Variants in THEMIS observed in about 807,000 individuals in gnomAD.
THEMIS encodes protein THEMIS.
THEMIS carries 37 observed loss-of-function variants against 52.6 expected under a neutral mutation model. The ratio of observed to expected loss-of-function variants is 0.70; its 90% CI spans 0.54 to 0.93. The LOEUF (loss-of-function observed/expected upper bound fraction) is 0.93, where lower values mean the gene tolerates loss of function less well. Among genes scored for constraint, THEMIS ranks in the 40% least tolerant of loss-of-function variants. THEMIS has a pLI of 0.00. For synonymous variants in THEMIS, 292 were observed against 272.7 expected, an observed-to-expected ratio of 1.07 and a Z score of -0.70; for missense variants, 808 against 763.1, an observed-to-expected ratio of 1.06 and a Z score of -0.69.
intron 1 of THEMIS, among the ~76,000 whole-genome samples, chr6:127,883,871 G>T (rs111546090): frequency 0.018 from 2,667 of 152,102 alleles, 83 homozygotes; most frequent in African/African-American, 0.06. Flanking sequence ...GATATTTTCA[G>T]TTTACAGTTA....
chr6:127,797,087 A>G (rs974607102), intron 4 of THEMIS, among the ~76,000 whole-genome samples: 3 of 152,176 alleles, frequency 2.0e-5, no homozygotes, highest in Admixed American at 2.0e-4. Context: ...AAGAGAAGCA[A>G]GTATGTTTGG....
At chr6:127,735,478 G>A (rs893471031) in intron 4 of THEMIS, among the ~76,000 whole-genome samples, 2 of 152,146 alleles carry the variant, frequency 1.3e-5, no homozygotes, top group African/African-American at 2.4e-5. Context: ...TTGGATGCAC[G>A]TGATTTTTAT....
At chr6:127,696,632 G>A in the THEMIS span, among the ~76,000 whole-genome samples, 1 of 152,276 alleles carries the variant, frequency 6.6e-6, no homozygotes, top group East Asian at 1.9e-4. Context: ...ATTTCCTGGG[G>A]GGTTTGAATA....
At chr6:127,760,809 T>A (rs1382826334) in intron 4 of THEMIS, among the ~76,000 whole-genome samples, 1 of 151,944 alleles carries the variant, frequency 6.6e-6, no homozygotes, top group Non-Finnish European at 1.5e-5. Flanking sequence ...AGAAAATTCT[T>A]CTAGACATAA....
At chr6:127,819,540 G>T (rs980024707) in intron 3 of THEMIS, among the ~76,000 whole-genome samples, 1 of 151,988 alleles carries the variant, frequency 6.6e-6, no homozygotes, top group Non-Finnish European at 1.5e-5. Context: ...TTGAACCAGA[G>T]GAGCAAAAAC....
Position 127,787,048 on chromosome 6 carries a change from C to G in THEMIS, c.1758+25835G>C, listed in dbSNP as rs1228071522. Among the ~76,000 whole-genome samples, 3 of 152,190 alleles carry G rather than the reference C, an allele frequency of 2.0e-5. No individual in the cohort carries two copies. In the East Asian group the frequency reaches 5.8e-4, roughly 29 times the overall value. Reference sequence around the variant, plus strand: ...GTTAGGAATCTCCCTGAAAAAGCACCCTTTCTAGGATTTGTCTTTACTCAA... The same window carrying G: ...GTTAGGAATCTCCCTGAAAAAGCACGCTTTCTAGGATTTGTCTTTACTCAA... On this transcript the variant is annotated intron_variant, in intron 4 of 5. Transcript: ENST00000368248.
At chr6:127,851,904 G>C (rs146492912) in intron 2 of THEMIS, among the ~76,000 whole-genome samples, 1 of 151,578 alleles carries the variant, frequency 6.6e-6, no homozygotes, top group Non-Finnish European at 1.5e-5. Context: ...ACATTAGCCT[G>C]CAGTTAGTAA....
chr6:127,896,894 T>A (rs1562327807), intron 1 of THEMIS, among the ~76,000 whole-genome samples: 1 of 151,498 alleles, frequency 6.6e-6, no homozygotes, highest in Non-Finnish European at 1.5e-5. Flanking sequence ...TTAAATATAA[T>A]CTAATAGAAA....
chr6:127,896,969 G>T (rs970994433), intron 1 of THEMIS, among the ~76,000 whole-genome samples: 11 of 151,462 alleles, frequency 7.3e-5, no homozygotes, highest in African/African-American at 2.7e-4. Context: ...AGGATAGCAA[G>T]TAGATGAATA....
At chr6:127,764,463 G>T (rs1415047555) in intron 4 of THEMIS, among the ~76,000 whole-genome samples, 1 of 151,910 alleles carries the variant, frequency 6.6e-6, no homozygotes, top group African/African-American at 2.4e-5. Flanking sequence ...AAATATAAAA[G>T]AAAATGTTTC....
intron 5 of THEMIS, among the ~76,000 whole-genome samples, chr6:127,711,046 A>G (rs1018025731): frequency 5.0e-5 from 6 of 119,990 alleles, no homozygotes; most frequent in African/African-American, 9.6e-5. Context: ...CTCCTCTCCC[A>G]CTTTCCCTCA....
chr6:127,740,899 C>G (rs556553460), intron 4 of THEMIS, among the ~76,000 whole-genome samples: 1 of 152,206 alleles, frequency 6.6e-6, no homozygotes, highest in African/African-American at 2.4e-5. Context: ...ATTCAAAAAG[C>G]TTCTTAAAAA....
the THEMIS span, among the ~76,000 whole-genome samples, chr6:127,700,397 G>A: frequency 2.0e-5 from 3 of 151,638 alleles, no homozygotes; most frequent in African/African-American, 7.3e-5. Context: ...TAAACGTCAG[G>A]GTTATGTCTA....
chr6:127,910,939 TC>T (rs1781396921), intron 1 of THEMIS, among the ~76,000 whole-genome samples: 1 of 152,130 alleles, frequency 6.6e-6, no homozygotes, highest in Non-Finnish European at 1.5e-5. Context: ...TCTCAGACAT[TC>T]CTTGTTTCTG....
intron 4 of THEMIS, among the ~76,000 whole-genome samples, chr6:127,800,507 C>A (rs760672127): frequency 6.6e-6 from 1 of 152,136 alleles, no homozygotes; most frequent in Non-Finnish European, 1.5e-5. Context: ...TAAACTGTAA[C>A]CTTGCTTCTG....
chr6:127,734,958 T>C (rs574514459), intron 4 of THEMIS, among the ~76,000 whole-genome samples: 1 of 143,526 alleles, frequency 7.0e-6, no homozygotes, highest in East Asian at 2.0e-4. Flanking sequence ...TATACATATA[T>C]GTGTGTGTGT....
At chr6:127,760,433 T>C (rs1484740620) in intron 4 of THEMIS, among the ~76,000 whole-genome samples, 1 of 152,200 alleles carries the variant, frequency 6.6e-6, no homozygotes, top group African/African-American at 2.4e-5. Flanking sequence ...ATTGAAATTT[T>C]GATAGGTATT....
At chr6:127,904,972 C>T (rs1427347454), upstream of THEMIS, among the ~76,000 whole-genome samples, 1 of 152,036 alleles carries the variant, frequency 6.6e-6, no homozygotes. Flanking sequence ...CTCTCTCTAT[C>T]TATCTATCTC....
At chr6:127,899,466 T>A (rs1008128730) in intron 1 of THEMIS, among the ~76,000 whole-genome samples, 5 of 151,674 alleles carry the variant, frequency 3.3e-5, no homozygotes, top group Admixed American at 1.3e-4. Flanking sequence ...GGTGAACATA[T>A]AATATGATTT....
Sources: gnomAD v4.1 joint callset for allele counts (sites outside exome capture counted in the v4.1 genomes callset) on GRCh38, gnomAD v4.1.1 for gene constraint, MANE v1.5 for transcripts, NCBI Gene and HGNC (gene_info 2026-07-23, HGNC 2026-07-21) for gene names.